Variants in UBE4B observed in about 807,000 individuals in gnomAD.
UBE4B encodes the protein ubiquitination factor E4B.
A neutral mutation model predicts 148.1 loss-of-function variants in UBE4B; 27 were observed. The observed-to-expected ratio is 0.18, with a 90% CI of 0.13 to 0.25. UBE4B has a LOEUF of 0.25. Among genes scored for constraint, UBE4B ranks in the 10% least tolerant of loss-of-function variants. UBE4B has a pLI of 1.00. For synonymous variants in UBE4B, 596 were observed against 619.3 expected (o/e 0.96, Z 0.56); for missense variants, 1,170 against 1,662.4 (o/e 0.70, Z 5.15).
At chr1:10,109,912 G>A (rs112585126) in intron 7 of UBE4B, among the ~76,000 whole-genome samples, 6,940 of 151,978 alleles carry the variant, frequency 0.046, 243 homozygotes, top group African/African-American at 0.092. Flanking sequence ...CGGCCTCCCA[G>A]AGTCTCAAAC....
At chr1:10,150,201 A>G (rs1266638236) in intron 20 of UBE4B, among the ~76,000 whole-genome samples, 2 of 152,154 alleles carry the variant, frequency 1.3e-5, no homozygotes, top group East Asian at 1.9e-4. Flanking sequence ...CTACACTCCA[A>G]CCTGGGCAAC....
At chr1:10,062,352 G>A (rs926312518) in intron 1 of UBE4B, among the ~76,000 whole-genome samples, 1 of 147,806 alleles carries the variant, frequency 6.8e-6, no homozygotes, top group African/African-American at 2.5e-5. Flanking sequence ...TCGCTCTGTC[G>A]CCCAGGCTGG....
rs569651529 is a variant in UBE4B at position 10,121,341 on chromosome 1, C to T, written c.1440-621C>T. ...CCATACTCCAGCCTGGGCAACAGAG[C>T]GAGACTCCATCTCTAAAAAACAACA... On this transcript the variant is annotated intron_variant, in intron 9 of 27. Transcript: ENST00000343090. 1.2e-4 allele frequency among the ~76,000 whole-genome samples: 19 copies of T among 152,152 alleles called. No individual in the cohort carries two copies. In the South Asian group the frequency reaches 3.5e-3, roughly 28 times the overall value.
In UBE4B at chr1:10,137,156, A is replaced by G. The variant is rs776977489; in HGVS notation, c.2314A>G (p.Ser772Gly). 3.7e-6 allele frequency: 6 copies of G among 1,613,916 alleles called. No homozygotes were observed. In the East Asian group the frequency reaches 1.3e-4, roughly 36 times the overall value. ...LHAHHLSILP[S>G]CRRYIRRLRA... Reference sequence around the variant, plus strand: ...TGCTCACCACCTCTCTATTCTGCCTAGTTGCCGTCGCTATATCCGCAGACT... The same window carrying G: ...TGCTCACCACCTCTCTATTCTGCCTGGTTGCCGTCGCTATATCCGCAGACT... The change falls in exon 17 of 28, where the codon AGT (serine) becomes GGT (glycine). Residue 772 changes from serine (S) to glycine (G), a missense_variant. Physicochemically the swap from Ser to Gly is moderately conservative, Grantham distance 56 (BLOSUM62 0). This residue lies in a region of UBE4B where 388 missense variants were observed against 536.0 expected (regional missense o/e 0.72). Transcript: ENST00000343090.
intron 1 of UBE4B, among the ~76,000 whole-genome samples, chr1:10,061,395 C>T (rs894899921): frequency 1.3e-5 from 2 of 152,134 alleles, no homozygotes; most frequent in South Asian, 2.1e-4. Context: ...GCTGGGATTA[C>T]AGGCATGCAC....
intron 1 of UBE4B, among the ~76,000 whole-genome samples, chr1:10,069,559 G>T (rs1218666322): frequency 3.3e-5 from 5 of 152,090 alleles, no homozygotes; most frequent in Non-Finnish European, 7.4e-5. Context: ...TTTTGAGACG[G>T]AGTCTCACTT....
intron 1 of UBE4B, among the ~76,000 whole-genome samples, chr1:10,040,789 T>C (rs1643729988): frequency 6.6e-6 from 1 of 152,016 alleles, no homozygotes; most frequent in Non-Finnish European, 1.5e-5. Flanking sequence ...GGCTAATTTT[T>C]TTGTATTTTT....
intron 23 of UBE4B, among the ~76,000 whole-genome samples, chr1:10,165,664 C>T (rs1306305975): frequency 6.6e-6 from 1 of 152,176 alleles, no homozygotes; most frequent in Admixed American, 6.6e-5. Flanking sequence ...CTTCCACTGA[C>T]ACGTGAGGGC....
intron 21 of UBE4B, among the ~76,000 whole-genome samples, chr1:10,157,852 A>G (rs1482491757): frequency 6.6e-6 from 1 of 152,202 alleles, no homozygotes; most frequent in Non-Finnish European, 1.5e-5. Flanking sequence ...CATTTGGACA[A>G]ACAAGTTTGA....
rs1407878978 is a variant in UBE4B at position 10,117,539 on chromosome 1, T to C, written c.1277T>C (p.Met426Thr). 8 of 1,612,000 alleles carry C rather than the reference T, an allele frequency of 5.0e-6. No homozygotes were observed. The highest frequency in any genetic ancestry group is 3.4e-5 in the Admixed American group (2 of 59,422). ...ATTGAAACCTGCAAAGAGACAGATA[T>C]GCTGAACTACCTCATCGAGTGTTTC... ...FTIETCKETD[M>T]LNYLIECFDR... The change falls in exon 8 of 28, where the codon ATG (methionine) becomes ACG (threonine). Residue 426 changes from methionine (M) to threonine (T), a missense_variant. By Grantham distance (81) the Met-to-Thr change is moderately conservative. Around this residue, in one of 6 missense-constraint regions of UBE4B, gnomAD observed 388 missense variants for 536.0 expected, o/e 0.72. Transcript: ENST00000343090.
intron 23 of UBE4B, among the ~76,000 whole-genome samples, chr1:10,167,443 A>G (rs1646269968): frequency 7.5e-6 from 1 of 132,598 alleles, no homozygotes; most frequent in African/African-American, 3.4e-5. Context: ...GTCTCAAAAA[A>G]TAATAATAAT....
intron 7 of UBE4B, among the ~76,000 whole-genome samples, chr1:10,113,654 G>A (rs1319934582): frequency 2.0e-5 from 3 of 152,154 alleles, no homozygotes; most frequent in African/African-American, 7.2e-5. Context: ...TTCAGTGGCA[G>A]TTGCATGAGC....
chr1:10,173,968 G>A (rs140202311), intron 25 of UBE4B, among the ~76,000 whole-genome samples: 6 of 152,314 alleles, frequency 3.9e-5, no homozygotes, highest in Non-Finnish European at 8.8e-5. Context: ...GGTGGCACCT[G>A]GCTTGGGTTG....
At chr1:10,163,835 A>G (rs1186346101) in intron 23 of UBE4B, among the ~76,000 whole-genome samples, 4 of 150,866 alleles carry the variant, frequency 2.7e-5, no homozygotes, top group Admixed American at 6.6e-5. Flanking sequence ...GCAGTGGCGC[A>G]ATCTTGGCTC....
chr1:10,170,605 T>G (rs1393093739), intron 24 of UBE4B, among the ~76,000 whole-genome samples: 1 of 152,254 alleles, frequency 6.6e-6, no homozygotes, highest in African/African-American at 2.4e-5. Context: ...TTGACTAGAT[T>G]TAAAACTATT....
intron 1 of UBE4B, among the ~76,000 whole-genome samples, chr1:10,067,798 G>C (rs1450684668): frequency 6.6e-6 from 1 of 152,060 alleles, no homozygotes; most frequent in Non-Finnish European, 1.5e-5. Flanking sequence ...CGTGATCTCA[G>C]CTCACTGCAA....
rs1016146336 is a variant in UBE4B, at chr1:10,161,784, C to T, written c.3198+498C>T. On this transcript the variant is annotated intron_variant, in intron 23 of 27. Coordinates refer to ENST00000343090, the MANE Select transcript of UBE4B (RefSeq NM_001105562.3). The surrounding 1 kb of genome is among the most constrained non-coding windows in gnomAD (Gnocchi z 4.1). ...GGCTTGCCAGGTTCCATGGAAAGCA[C>T]GTGCCGTGCCAGTACCAGTGCTCTT... is the stretch of plus-strand genomic sequence containing the variant. Among the ~76,000 whole-genome samples, 9 of 152,132 alleles carry T rather than the reference C, an allele frequency of 5.9e-5. No homozygotes were observed. Among genetic ancestry groups the T allele is most frequent in the African/African-American group, 9.7e-5 (4 of 41,410 alleles).
intron 19 of UBE4B, 27 bp from the exon 20 acceptor site, chr1:10,149,157 A>T: frequency 6.7e-7 from 1 of 1,502,206 alleles, no homozygotes; most frequent in Non-Finnish European, 9.0e-7. Context: ...TTCATTTAAT[A>T]AATTGTCCTT....
intron 21 of UBE4B, 133 bp from the exon 22 acceptor site, chr1:10,158,223 A>G: frequency 8.4e-7 from 1 of 1,183,946 alleles, no homozygotes; most frequent in Non-Finnish European, 1.2e-6. Context: ...CCTACATGCA[A>G]AAGAAGTGCA....
Sources: gnomAD v4.1 joint callset for allele counts (sites outside exome capture counted in the v4.1 genomes callset) on GRCh38, gnomAD v4.1.1 for gene constraint, gnomAD v4.1.1 regional missense constraint, Gnocchi (gnomAD v3.1) non-coding constraint, MANE v1.5 for transcripts, NCBI Gene and HGNC (gene_info 2026-07-23, HGNC 2026-07-21) for gene names.